PCLO: variants seen among roughly 807,000 people sequenced by gnomAD.
PCLO encodes the protein protein piccolo.
In PCLO, 82 loss-of-function variants were observed where a neutral mutation model predicts 427.5. The observed-to-expected ratio is 0.19, with a 90% confidence interval of 0.16 to 0.23. The LOEUF is 0.23. Ranked by LOEUF, PCLO falls within the 10% of genes least tolerant of loss-of-function variation. PCLO has a pLI of 1.00. For synonymous variants in PCLO, 2,357 were observed against 2,155.4 expected, an observed-to-expected ratio of 1.09 and a Z score of -2.59; for missense variants, 6,239 against 6,115.9, an observed-to-expected ratio of 1.02 and a Z score of -0.67.
intron 2 of PCLO, among the ~76,000 whole-genome samples, chr7:83,151,612 T>C (rs974222042): frequency 1.3e-5 from 2 of 152,234 alleles, no homozygotes; most frequent in African/African-American, 4.8e-5. Context: ...GCTTCTTCCA[T>C]GCTCATTTAT....
intron 2 of PCLO, among the ~76,000 whole-genome samples, chr7:83,141,278 T>C (rs1791855064): frequency 6.6e-6 from 1 of 152,202 alleles, no homozygotes; most frequent in Non-Finnish European, 1.5e-5. Context: ...AAGGGAAGAA[T>C]CCAACTGTCT....
chr7:83,059,260 TCAAG>T (rs993514801), intron 3 of PCLO, among the ~76,000 whole-genome samples: 19 of 146,894 alleles, frequency 1.3e-4, no homozygotes, highest in African/African-American at 4.5e-4. Flanking sequence ...TCAATTCTAC[TCAAG>T]CAGTCACTTC....
In PCLO at chr7:83,134,441, T is replaced by C. The variant is rs374268386; in HGVS notation, c.3109A>G (p.Thr1037Ala). 56 of 1,613,756 alleles carry C rather than the reference T, an allele frequency of 3.5e-5. No individual in the cohort carries two copies. Among genetic ancestry groups the C allele is most frequent in the Admixed American group, 5.0e-5 (3 of 59,984 alleles). Residue 1037 changes from threonine to alanine, a missense_variant, in exon 3 of 25, where the codon ACA becomes GCA. Transcript: ENST00000333891. ...PPPIKDSKSL[T>A]AEPQKAVLPT... Reference sequence around the variant, plus strand: ...AGGACAGCCTTTTGAGGCTCAGCTGTTAAAGATTTGCTATCCTTAATAGGT... The same window carrying C: ...AGGACAGCCTTTTGAGGCTCAGCTGCTAAAGATTTGCTATCCTTAATAGGT...
At chr7:82,763,952 C>T (rs1790481461) in intron 22 of PCLO, among the ~76,000 whole-genome samples, 1 of 151,894 alleles carries the variant, frequency 6.6e-6, no homozygotes, top group Non-Finnish European at 1.5e-5. Flanking sequence ...GTTTGACTCT[C>T]TCAGAAATAT....
At chr7:82,932,074 T>C (rs567548598) in intron 6 of PCLO, among the ~76,000 whole-genome samples, 2 of 152,232 alleles carry the variant, frequency 1.3e-5, no homozygotes, top group Admixed American at 6.6e-5. Flanking sequence ...TTATTCACTG[T>C]CATCAAGGCA....
At chr7:82,948,874 A>G (rs1795264684) in intron 6 of PCLO, among the ~76,000 whole-genome samples, 1 of 152,204 alleles carries the variant, frequency 6.6e-6, no homozygotes, top group Non-Finnish European at 1.5e-5. Context: ...ATAAGCATGG[A>G]TGGACTATGA....
intron 3 of PCLO, among the ~76,000 whole-genome samples, chr7:83,101,562 G>A (rs1360473591): frequency 2.0e-5 from 3 of 152,094 alleles, no homozygotes; most frequent in Non-Finnish European, 4.4e-5. Context: ...GACTAGAATA[G>A]GTATGGTATA....
chr7:82,939,421 C>T (rs1278967648), intron 6 of PCLO, among the ~76,000 whole-genome samples: 1 of 151,782 alleles, frequency 6.6e-6, no homozygotes, highest in Admixed American at 6.6e-5. Context: ...AATCCCTAAG[C>T]TCAAAATTAC....
chr7:82,967,279 G>A (rs910719988), intron 3 of PCLO, among the ~76,000 whole-genome samples: 2 of 149,226 alleles, frequency 1.3e-5, no homozygotes, highest in African/African-American at 2.5e-5. Flanking sequence ...GGGTTCAAGC[G>A]ATTCTCCTGC....
chr7:82,834,699 CT>C (rs1398549137), intron 16 of PCLO, among the ~76,000 whole-genome samples: 3 of 152,070 alleles, frequency 2.0e-5, no homozygotes, highest in African/African-American at 7.2e-5. Context: ...CAAAATAATG[CT>C]TTTGGCTATG....
At chr7:82,845,057 T>G (rs73171307) in intron 13 of PCLO, among the ~76,000 whole-genome samples, 3,432 of 152,262 alleles carry the variant, frequency 0.023, 54 homozygotes, top group Non-Finnish European at 0.036. Context: ...TAATAACTAC[T>G]GAAATATTTA....
intron 22 of PCLO, among the ~76,000 whole-genome samples, chr7:82,778,828 G>A (rs10808300): frequency 0.38 from 57,065 of 151,536 alleles, 13,340 homozygotes; most frequent in East Asian, 0.73. Flanking sequence ...TCTTTGGTCT[G>A]CTAGATTATA....
intron 22 of PCLO, among the ~76,000 whole-genome samples, chr7:82,784,835 A>G (rs1790949451): frequency 6.6e-6 from 1 of 152,160 alleles, no homozygotes; most frequent in Non-Finnish European, 1.5e-5. Flanking sequence ...TTTGAAATCT[A>G]TTGATTTTAT....
intron 8 of PCLO, among the ~76,000 whole-genome samples, chr7:82,903,529 C>A (rs188340712): frequency 2.8e-4 from 42 of 151,972 alleles, no homozygotes; most frequent in Non-Finnish European, 5.4e-4. Context: ...GGTGAAACAT[C>A]GTTTCTGAAA....
intron 3 of PCLO, among the ~76,000 whole-genome samples, chr7:83,013,511 C>T (rs1788137399): frequency 6.6e-6 from 1 of 152,114 alleles, no homozygotes; most frequent in Admixed American, 6.6e-5. Flanking sequence ...CAACAAGGTG[C>T]ACCTATTTAC....
chr7:83,062,768 C>G (rs1051150022), intron 3 of PCLO, among the ~76,000 whole-genome samples: 4 of 152,064 alleles, frequency 2.6e-5, no homozygotes, highest in Non-Finnish European at 5.9e-5. Flanking sequence ...TTCCCATCTC[C>G]TCCATTCACC....
At chr7:82,777,917 A>G (rs950368468) in intron 22 of PCLO, among the ~76,000 whole-genome samples, 3 of 152,192 alleles carry the variant, frequency 2.0e-5, no homozygotes, top group Non-Finnish European at 2.9e-5. Context: ...AAATTGACAA[A>G]TGGGATCTAA....
Position 82,956,152 on chromosome 7 carries a change from C to T in PCLO, c.4801G>A (p.Gly1601Ser). The change falls in exon 5 of 25, where the codon GGC becomes AGC. Residue 1601 changes from glycine (G) to serine (S), a missense_variant. Physicochemically the swap from Gly to Ser is moderately conservative, Grantham distance 56 (BLOSUM62 0). Transcript: ENST00000333891. The part of the protein sequence containing the change: ...SQKKEETKGK[G>S]KITAGKHRRL... ...CTGTGTTTCCCTGCTGTTATTTTGC[C>T]TTTTCCCTTTGTTTCTTCCTTCTTC... The T allele has an allele frequency of 1.2e-6, 2 of 1,608,596 alleles. No homozygotes were observed. The highest frequency in any genetic ancestry group is 1.1e-5 in the South Asian group (1 of 91,078).
intron 22 of PCLO, among the ~76,000 whole-genome samples, chr7:82,764,284 TA>T (rs1269916625): frequency 6.6e-6 from 1 of 151,672 alleles, no homozygotes; most frequent in African/African-American, 2.4e-5. Flanking sequence ...TTAGACATTA[TA>T]AAAACTATAA....
Sources: allele counts gnomAD v4.1 joint callset (sites outside exome capture counted in the v4.1 genomes callset), GRCh38; gene constraint gnomAD v4.1.1; transcripts MANE v1.5; gene names NCBI Gene and HGNC (gene_info 2026-07-23, HGNC 2026-07-21).